The following MSL2 variants were observed in gnomAD, a reference collection of about 807,000 sequenced individuals.
MSL2 encodes the protein MSL complex subunit 2, also known as E3 ubiquitin-protein ligase MSL2.
In MSL2, 2 loss-of-function variants were observed where a neutral mutation model predicts 35.8. The observed-to-expected ratio is 0.06, with a 90% CI of 0.02 to 0.18. The LOEUF (loss-of-function observed/expected upper bound fraction) is 0.18. MSL2 is among the 10% of genes least tolerant of loss of function. The pLI is 1.00. For missense variants in MSL2, 523 were observed against 706.7 expected, an observed-to-expected ratio of 0.74 and a Z score of 2.95; for synonymous variants, 296 against 255.7, an observed-to-expected ratio of 1.16 and a Z score of -1.50.
intron 1 of MSL2, chr3:136,194,344 G>C (rs1340721390): frequency 3.3e-6 from 3 of 917,440 alleles, no homozygotes; most frequent in Non-Finnish European, 3.9e-6. Context: ...CCTCGACAAA[G>C]CCAAAGTATA....
chr3:136,188,416 G>C (rs889747812), intron 1 of MSL2, among the ~76,000 whole-genome samples: 9 of 145,876 alleles, frequency 6.2e-5, no homozygotes, highest in South Asian at 4.3e-4. Context: ...CCTGACAACA[G>C]AGCAAGACTC....
Position 136,195,076 on chromosome 3 carries a change from G to A in MSL2, c.38C>T (p.Ala13Val), listed in dbSNP as rs1940797917. Residue 13 changes from alanine to valine, a missense_variant, in exon 1 of 2, where the codon GCG becomes GTG. Physicochemically the swap from Ala to Val is moderately conservative, Grantham distance 64 (BLOSUM62 0). Around this residue, in one of 5 missense-constraint regions of MSL2, gnomAD observed 45 missense variants for 47.5 expected, o/e 0.95. Coordinates refer to ENST00000309993, the MANE Select transcript of MSL2 (RefSeq NM_018133.4). ...PVNATALYIS[A>V]SRLVLNYDPG... ...GTCGTAGTTGAGCACTAGGCGGCTC[G>A]CGGAAATGTAGAGAGCAGTAGCATT... 7.4e-6 allele frequency: 12 copies of A among 1,613,884 alleles called. No homozygotes were observed. Among genetic ancestry groups the A allele is most frequent in the African/African-American group, 1.3e-5 (1 of 74,886 alleles).
At position 136,195,270 on chromosome 3, in the gene MSL2, G is replaced by A. The variant is rs1940803254; in HGVS notation, c.-157C>T. The A allele has an allele frequency of 4.1e-6, 6 of 1,457,334 alleles. No homozygotes were observed. The highest frequency in any genetic ancestry group is 5.4e-6 in the Non-Finnish European group (6 of 1,110,876). 90.3% of individuals were successfully genotyped at this position (1,457,334 alleles called of 1,614,324 possible). ...TAACCAAAATCCGTGCAAGTTTGTG[G>A]AGCTGAAACAATCCTCCCACACATG... On this transcript the variant is annotated 5_prime_UTR_variant, in exon 1 of 2. Coordinates refer to ENST00000309993, the MANE Select transcript of MSL2 (RefSeq NM_018133.4).
At chr3:136,160,441 A>G (rs922232243) in intron 1 of MSL2, among the ~76,000 whole-genome samples, 29 of 150,816 alleles carry the variant, frequency 1.9e-4, no homozygotes, top group Non-Finnish European at 3.8e-4. Flanking sequence ...AAAAAAAACA[A>G]TGCAAGCCAG....
At chr3:136,176,901 A>C (rs540938741) in intron 1 of MSL2, among the ~76,000 whole-genome samples, 7 of 152,324 alleles carry the variant, frequency 4.6e-5, no homozygotes, top group African/African-American at 1.4e-4. Flanking sequence ...ATTCCTTAAC[A>C]GCAACACAAA....
intron 1 of MSL2, among the ~76,000 whole-genome samples, chr3:136,180,493 A>G (rs1469489897): frequency 6.6e-6 from 1 of 151,820 alleles, no homozygotes; most frequent in African/African-American, 2.4e-5. Context: ...CGAGATCAGG[A>G]GTTCAAGACC....
chr3:136,178,274 G>A (rs1038144739), intron 1 of MSL2, among the ~76,000 whole-genome samples: 2 of 152,120 alleles, frequency 1.3e-5, no homozygotes, highest in Non-Finnish European at 2.9e-5. Context: ...AGCAATGACA[G>A]CCACTCACAA....
intron 1 of MSL2, among the ~76,000 whole-genome samples, chr3:136,190,534 G>C (rs976352565): frequency 7.0e-6 from 1 of 143,190 alleles, no homozygotes; most frequent in Admixed American, 7.0e-5. Context: ...GACAAAACAA[G>C]ATTGTCTCAA....
chr3:136,154,087 TAAAA>T (rs149944952), intron 1 of MSL2, among the ~76,000 whole-genome samples: 1 of 135,558 alleles, frequency 7.4e-6, no homozygotes, highest in African/African-American at 2.7e-5. Context: ...CCGTCTCATT[TAAAA>T]AAAAAAAAAA....
chr3:136,191,709 G>A (rs1265842678), intron 1 of MSL2, among the ~76,000 whole-genome samples: 12 of 152,086 alleles, frequency 7.9e-5, no homozygotes, highest in Admixed American at 7.2e-4. Flanking sequence ...GGAGTTTAAG[G>A]CTGCAGTGAG....
At chr3:136,170,427 C>CAATCCAACCATA (rs1939992331) in intron 1 of MSL2, among the ~76,000 whole-genome samples, 9 of 149,724 alleles carry the variant, frequency 6.0e-5, no homozygotes, top group Admixed American at 6.0e-4. Context: ...CATAAAGACT[C>CAATCCAACCATA]AATCCAACCA....
rs550950072 is a variant in MSL2, at chr3:136,156,922, TGAA to T, written c.143-4187_143-4185del. ...CAAGCTATGCAATCCTTTTAACTGT[TGAA>T]GAAGAGAAAATGTTCACAATATATT... On this transcript the variant is annotated intron_variant, in intron 1 of 1. Transcript: ENST00000309993. 2.7e-3 allele frequency among the ~76,000 whole-genome samples: 404 copies of T among 152,184 alleles called. 3 individuals are homozygous for T. The highest frequency in any genetic ancestry group is 7.2e-3 in the African/African-American group (297 of 41,502).
intron 1 of MSL2, among the ~76,000 whole-genome samples, chr3:136,153,264 A>G (rs1261615355): frequency 6.6e-6 from 1 of 152,112 alleles, no homozygotes; most frequent in African/African-American, 2.4e-5. Flanking sequence ...TTGGACCTCA[A>G]CCTAACACAA....
At chr3:136,154,950 T>C (rs1939476878) in intron 1 of MSL2, among the ~76,000 whole-genome samples, 1 of 152,094 alleles carries the variant, frequency 6.6e-6, no homozygotes, top group Non-Finnish European at 1.5e-5. Context: ...GGCTCACAAC[T>C]GCAAATCCCA....
intron 1 of MSL2, among the ~76,000 whole-genome samples, chr3:136,178,145 G>T (rs992365822): frequency 2.6e-5 from 4 of 152,126 alleles, no homozygotes; most frequent in African/African-American, 9.7e-5. Context: ...ATTCTGGTAA[G>T]AACTAAAAGA....
At chr3:136,154,356 G>A (rs1939457263) in intron 1 of MSL2, among the ~76,000 whole-genome samples, 1 of 152,204 alleles carries the variant, frequency 6.6e-6, no homozygotes, top group African/African-American at 2.4e-5. Context: ...CCCCCGACTT[G>A]ACACAATTCT....
chr3:136,194,965 G>C lies in MSL2; in HGVS notation c.142+7C>G. 6.2e-7 allele frequency: 1 copy of C among 1,613,546 alleles called. No homozygotes were observed. Among genetic ancestry groups the C allele is most frequent in the South Asian group, 1.1e-5 (1 of 91,046 alleles). ...CATTGAAAAGGGAACAATAAAAAGC[G>C]TCTCACCGCAAACACAGCACGAAAG... On this transcript the variant is annotated splice_region_variant and intron_variant, in intron 1 of 1. Coordinates refer to ENST00000309993, the MANE Select transcript of MSL2 (RefSeq NM_018133.4).
At chr3:136,161,258 G>C (rs577031621) in intron 1 of MSL2, among the ~76,000 whole-genome samples, 5 of 152,258 alleles carry the variant, frequency 3.3e-5, no homozygotes, top group Admixed American at 6.5e-5. Context: ...TATACTGCTC[G>C]TAAAATGTAA....
intron 1 of MSL2, among the ~76,000 whole-genome samples, chr3:136,170,794 T>C (rs1180239656): frequency 2.6e-5 from 4 of 152,070 alleles, no homozygotes; most frequent in Non-Finnish European, 5.9e-5. Flanking sequence ...TGAGCCACTG[T>C]GCCCAGCCTG....
Sources: allele counts gnomAD v4.1 joint callset (sites outside exome capture counted in the v4.1 genomes callset), GRCh38; gene constraint gnomAD v4.1.1; regional missense constraint gnomAD v4.1.1; transcripts MANE v1.5; gene names NCBI Gene and HGNC (gene_info 2026-07-23, HGNC 2026-07-21).